The following ARHGEF4 variants were observed in gnomAD, a reference collection of about 807,000 sequenced individuals.
The protein encoded by ARHGEF4 is APC-stimulated guanine nucleotide exchange factor 1.
In ARHGEF4, 119 loss-of-function variants were observed where a neutral mutation model predicts 162.0. The observed-to-expected ratio is 0.73, with a 90% confidence interval of 0.63 to 0.86. ARHGEF4 has a LOEUF of 0.86. ARHGEF4 is among the 40% of genes least tolerant of loss of function. The probability of loss-of-function intolerance (pLI) is 0.00; values close to 1 mark genes in which losing one functional copy is unlikely to be tolerated. For missense variants in ARHGEF4, 2,488 were observed against 2,456.0 expected, an observed-to-expected ratio of 1.01 and a Z score of -0.28; for synonymous variants, 1,014 against 979.9, an observed-to-expected ratio of 1.03 and a Z score of -0.65.
At chr2:131,016,818 AC>A (rs1157130256) in intron 4 of ARHGEF4, among the ~76,000 whole-genome samples, 1 of 152,214 alleles carries the variant, frequency 6.6e-6, no homozygotes, top group Non-Finnish European at 1.5e-5. Context: ...AGAACCACTG[AC>A]TTGCAGGGCA....
At chr2:131,026,001 C>G (rs1387203421) in intron 4 of ARHGEF4, among the ~76,000 whole-genome samples, 1 of 152,180 alleles carries the variant, frequency 6.6e-6, no homozygotes, top group Non-Finnish European at 1.5e-5. Context: ...TATTCACAGG[C>G]TCTGGAGATG....
chr2:130,853,650 C>T (rs184715103), intron 1 of ARHGEF4, among the ~76,000 whole-genome samples: 51 of 152,286 alleles, frequency 3.3e-4, no homozygotes, highest in Admixed American at 6.5e-4. Context: ...GGAAGAGCAA[C>T]GTCTCCCGTT....
At chr2:130,888,475 A>AG (rs1384417871) in intron 1 of ARHGEF4, among the ~76,000 whole-genome samples, 1 of 152,072 alleles carries the variant, frequency 6.6e-6, no homozygotes, top group East Asian at 1.9e-4. Flanking sequence ...CCAAAAAAAA[A>AG]AAGTGCTTAA....
chr2:131,026,115 T>C (rs1387595903), intron 4 of ARHGEF4, among the ~76,000 whole-genome samples: 1 of 152,174 alleles, frequency 6.6e-6, no homozygotes, highest in Non-Finnish European at 1.5e-5. Context: ...AGAGCAGACA[T>C]TGTAGGTCCA....
chr2:130,869,966 G>T (rs1027662250), intron 1 of ARHGEF4, among the ~76,000 whole-genome samples: 9 of 152,188 alleles, frequency 5.9e-5, no homozygotes, highest in African/African-American at 2.2e-4. Context: ...AGCGGGACCC[G>T]CTGAGCTCTC....
chr2:130,911,795 T>C (rs769174094), intron 1 of ARHGEF4, among the ~76,000 whole-genome samples: 11 of 152,198 alleles, frequency 7.2e-5, no homozygotes, highest in Non-Finnish European at 1.0e-4. Context: ...CGCCAGCCCC[T>C]GCCTCACAGG....
intron 4 of ARHGEF4, among the ~76,000 whole-genome samples, chr2:131,016,805 T>A (rs7426107): frequency 0.84 from 127,914 of 152,230 alleles, 56,353 homozygotes; most frequent in Non-Finnish European, 0.97. Context: ...GGACCACACT[T>A]TGAGAACCAC....
Position 131,007,854 on chromosome 2 carries a change from C to CG in ARHGEF4, c.3986-20088dup, listed in dbSNP as rs553919244. ...GGAGACAGAGTCTCGCCCTATCCCCCGGGCTGGAGTGCAATGGCACGATCT... is the reference window on the plus strand; with the variant it reads ...GGAGACAGAGTCTCGCCCTATCCCCCGGGGCTGGAGTGCAATGGCACGATCT... On this transcript the variant is annotated intron_variant, in intron 4 of 13. Transcript: ENST00000409359. Among the ~76,000 whole-genome samples, 483 of 139,582 alleles carry CG rather than the reference C, an allele frequency of 3.5e-3. 6 individuals are homozygous for CG. Among genetic ancestry groups the CG allele is most frequent in the African/African-American group, 0.013 (462 of 36,424 alleles). The allele number at this position is 139,582 out of a possible 152,430, so 91.6% of individuals were successfully genotyped here. A position where few individuals can be genotyped will look rare whatever the true frequency, so the allele number is the denominator to read the frequency against.
At chr2:130,895,685 G>T (rs1333758037) in intron 1 of ARHGEF4, among the ~76,000 whole-genome samples, 1 of 152,018 alleles carries the variant, frequency 6.6e-6, no homozygotes, top group African/African-American at 2.4e-5. Flanking sequence ...CTTTTTTTGG[G>T]TTGTTCATCT....
chr2:131,032,231 C>T (rs10199727), intron 5 of ARHGEF4, among the ~76,000 whole-genome samples: 13 of 151,774 alleles, frequency 8.6e-5, no homozygotes, highest in African/African-American at 1.2e-4. Flanking sequence ...GAGCCAGGTC[C>T]GGCCTGGGGA....
At chr2:131,022,938 C>T (rs1029209459) in intron 4 of ARHGEF4, among the ~76,000 whole-genome samples, 4 of 151,558 alleles carry the variant, frequency 2.6e-5, no homozygotes, top group Non-Finnish European at 4.4e-5. Flanking sequence ...ACAAATAACT[C>T]AAATATATAA....
At chr2:130,881,729 G>A (rs1679200121) in intron 1 of ARHGEF4, among the ~76,000 whole-genome samples, 2 of 152,126 alleles carry the variant, frequency 1.3e-5, no homozygotes, top group African/African-American at 4.8e-5. Flanking sequence ...GGACCATCCT[G>A]GAGGGCGGCC....
Position 130,933,564 on chromosome 2 carries a change from T to C in ARHGEF4, c.3858+2307T>C, listed in dbSNP as rs528747086. Reference sequence around the variant, plus strand: ...AGTCTTCAAATCCATGAACACTGGGTGTCTTTCCGTTTTTGGGAGGTGTTC... The same window carrying C: ...AGTCTTCAAATCCATGAACACTGGGCGTCTTTCCGTTTTTGGGAGGTGTTC... On this transcript the variant is annotated intron_variant, in intron 3 of 13. Transcript: ENST00000409359. 2.0e-5 allele frequency among the ~76,000 whole-genome samples: 3 copies of C among 152,270 alleles called. No individual in the cohort carries two copies. In the East Asian group the frequency reaches 5.8e-4, roughly 29 times the overall value.
At chr2:130,919,883 A>T (rs569230157) in intron 2 of ARHGEF4, among the ~76,000 whole-genome samples, 1 of 152,214 alleles carries the variant, frequency 6.6e-6, no homozygotes, top group South Asian at 2.1e-4. Flanking sequence ...CTCAAAAAAA[A>T]AAAAAGTGAT....
In ARHGEF4 at chr2:130,917,425, A is replaced by G. The variant is rs1318933001; in HGVS notation, c.3479A>G (p.Glu1160Gly). 1 of 1,550,540 alleles carries G rather than the reference A, an allele frequency of 6.4e-7. No individual in the cohort carries two copies. The highest frequency in any genetic ancestry group is 8.7e-7 in the Non-Finnish European group (1 of 1,147,028). The stretch of plus-strand genomic sequence containing the variant: ...CTAAACCAAGATGAGCAGAAGGAAG[A>G]GAGCAGGGAAGGAGGCCAGGGTCCG... The part of the protein sequence containing the change: ...QTLNQDEQKE[E>G]SREGGQGPRG... The change falls in exon 2 of 14, where the codon GAG (glutamate) becomes GGG (glycine). Residue 1160 changes from glutamate to glycine, a missense_variant. Physicochemically the swap from Glu to Gly is moderately conservative, Grantham distance 98 (BLOSUM62 -2). Around this residue, in one of 6 missense-constraint regions of ARHGEF4, gnomAD observed 1,642 missense variants for 1,481.5 expected, o/e 1.11. Coordinates refer to ENST00000409359, the MANE Select transcript of ARHGEF4 (RefSeq NM_001367493.1).
At chr2:130,975,224 G>C (rs1437914121) in intron 4 of ARHGEF4, among the ~76,000 whole-genome samples, 1 of 152,190 alleles carries the variant, frequency 6.6e-6, no homozygotes, top group East Asian at 1.9e-4. Context: ...AGTGTCTAAG[G>C]AGCTAATTGT....
At chr2:130,873,999 G>GTCTGCC (rs1678661580) in intron 1 of ARHGEF4, among the ~76,000 whole-genome samples, 1 of 152,164 alleles carries the variant, frequency 6.6e-6, no homozygotes, top group South Asian at 2.1e-4. Flanking sequence ...GGATGTTTTT[G>GTCTGCC]TCTGCCTCTG....
chr2:130,917,344 C>G lies in ARHGEF4; in HGVS notation c.3398C>G (p.Pro1133Arg). ...TACGTGGACAGCAGTTCAGGGGACCCTGAAAGACCCAAGATTCCCAAGGGC... is the reference window on the plus strand; with the variant it reads ...TACGTGGACAGCAGTTCAGGGGACCGTGAAAGACCCAAGATTCCCAAGGGC... ...YSYVDSSSGD[P>R]ERPKIPKGQT... The change falls in exon 2 of 14, where the codon CCT (proline) becomes CGT (arginine). Residue 1133 changes from proline (P) to arginine (R), a missense_variant. Physicochemically the swap from Pro to Arg is moderately radical, Grantham distance 103. Coordinates refer to ENST00000409359, the MANE Select transcript of ARHGEF4 (RefSeq NM_001367493.1). 1 of 1,550,584 alleles carries G rather than the reference C, an allele frequency of 6.4e-7. No individual in the cohort carries two copies. Among genetic ancestry groups the G allele is most frequent in the Non-Finnish European group, 8.7e-7 (1 of 1,147,004 alleles).
intron 1 of ARHGEF4, among the ~76,000 whole-genome samples, chr2:130,904,347 G>A (rs1407247444): frequency 6.6e-6 from 1 of 152,074 alleles, no homozygotes; most frequent in Non-Finnish European, 1.5e-5. Flanking sequence ...GTTATATTAT[G>A]GGCCTTGGGA....
Sources: allele counts gnomAD v4.1 joint callset (sites outside exome capture counted in the v4.1 genomes callset), GRCh38; gene constraint gnomAD v4.1.1; regional missense constraint gnomAD v4.1.1; transcripts MANE v1.5; gene names NCBI Gene and HGNC (gene_info 2026-07-23, HGNC 2026-07-21).